TMEM45A: variants seen among roughly 807,000 people sequenced by gnomAD.
The protein encoded by TMEM45A is DNA polymerase-transactivated protein 4.
Under a neutral mutation model 32.0 loss-of-function variants are expected in TMEM45A, and 25 were observed. That is an observed-to-expected ratio of 0.78 (90% CI 0.57 to 1.09). The LOEUF is 1.09. Ranked by LOEUF, TMEM45A falls within the 50% of genes least tolerant of loss-of-function variation. TMEM45A has a pLI of 0.00. For missense variants in TMEM45A, 302 were observed against 325.0 expected, an observed-to-expected ratio of 0.93 and a Z score of 0.54; for synonymous variants, 122 against 114.8, an observed-to-expected ratio of 1.06 and a Z score of -0.40.
Position 100,577,129 on chromosome 3 carries a change from T to C in TMEM45A, c.*111T>C. On this transcript the variant is annotated 3_prime_UTR_variant, in exon 6 of 6. Transcript: ENST00000323523. ...ACAGCTGGCTAAGGATGACTCTAAG[T>C]GTACTGTTTGCATTTCCAATTTGGT... 1.3e-6 allele frequency: 1 copy of C among 769,508 alleles called. No individual in the cohort carries two copies. The highest frequency in any genetic ancestry group is 2.0e-6 in the Non-Finnish European group (1 of 488,198). The allele number at this position is 769,508 out of a possible 1,614,324, so 47.7% of individuals were successfully genotyped here.
chr3:100,505,339 C>T (rs574180563), intron 1 of TMEM45A, among the ~76,000 whole-genome samples: 3 of 152,338 alleles, frequency 2.0e-5, no homozygotes, highest in African/African-American at 4.8e-5. Flanking sequence ...TCCCACTGTT[C>T]TCCCTAACAT....
intron 1 of TMEM45A, among the ~76,000 whole-genome samples, chr3:100,514,263 G>A (rs551175263): frequency 3.7e-4 from 56 of 152,232 alleles, no homozygotes; most frequent in Admixed American, 2.0e-3. Context: ...GCATGGTACC[G>A]GTACCAAAAC....
rs1284861021 is a variant in TMEM45A, at chr3:100,514,766, T to C, written c.-4+21838T>C. On this transcript the variant is annotated intron_variant, in intron 1 of 5. Coordinates refer to ENST00000323523, the MANE Select transcript of TMEM45A (RefSeq NM_018004.3). ...AATATCCAGAATCTACAATGAACTC[T>C]AACAAATTTACAAGAAAAAAACAAA... 9.9e-3 allele frequency among the ~76,000 whole-genome samples: 1,504 copies of C among 151,926 alleles called. 22 individuals are homozygous for C. The highest frequency in any genetic ancestry group is 0.035 in the African/African-American group (1,449 of 41,388).
At chr3:100,558,711 G>A (rs1223612815) in intron 4 of TMEM45A, 122 bp downstream of exon 4, 2 of 1,008,762 alleles carry the variant, frequency 2.0e-6, no homozygotes, top group Non-Finnish European at 1.5e-6. Context: ...AAGATCATGG[G>A]CCTCTGAGAA....
chr3:100,569,615 G>C (rs543281657), intron 5 of TMEM45A, among the ~76,000 whole-genome samples: 2 of 152,254 alleles, frequency 1.3e-5, no homozygotes, highest in South Asian at 4.1e-4. Context: ...GTAAAATGGG[G>C]AAATAATAAG....
Position 100,528,280 on chromosome 3 carries a change from G to T in TMEM45A, c.-3-26929G>T, listed in dbSNP as rs553489901. Among the ~76,000 whole-genome samples the T allele has an allele frequency of 3.3e-5, 5 of 152,262 alleles. No individual in the cohort carries two copies. In the South Asian group the frequency reaches 1.0e-3, roughly 32 times the overall value. ...CCTTTCGCATCTCTAAGTCTGTAAG[G>T]CTCTATATTTGGTTTTCCCAGGGAT... On this transcript the variant is annotated intron_variant, in intron 1 of 5. Transcript: ENST00000323523.
intron 1 of TMEM45A, among the ~76,000 whole-genome samples, chr3:100,547,582 G>A (rs2148972933): frequency 6.6e-6 from 1 of 152,250 alleles, no homozygotes; most frequent in Non-Finnish European, 1.5e-5. Context: ...AGGAGGAGGA[G>A]GAGGAGGAGG....
chr3:100,546,329 G>A (rs924320768), intron 1 of TMEM45A, among the ~76,000 whole-genome samples: 1 of 152,196 alleles, frequency 6.6e-6, no homozygotes, highest in African/African-American at 2.4e-5. Flanking sequence ...TTGTTTCAAT[G>A]TACTAATTTT....
intron 1 of TMEM45A, among the ~76,000 whole-genome samples, chr3:100,493,624 A>G (rs1168906590): frequency 1.3e-5 from 2 of 151,842 alleles, no homozygotes; most frequent in Non-Finnish European, 2.9e-5. Context: ...ATAGTATGGT[A>G]TATATACTAT....
At chr3:100,530,169 A>G (rs1705619164) in intron 1 of TMEM45A, among the ~76,000 whole-genome samples, 1 of 152,176 alleles carries the variant, frequency 6.6e-6, no homozygotes, top group Non-Finnish European at 1.5e-5. Context: ...CCTGTCCCCC[A>G]GATAATATTT....
intron 1 of TMEM45A, among the ~76,000 whole-genome samples, chr3:100,532,242 G>A (rs901037533): frequency 4.9e-4 from 74 of 152,310 alleles, no homozygotes; most frequent in African/African-American, 1.8e-3. Flanking sequence ...GGTGCCTCCT[G>A]CTCTCCCCGA....
intron 1 of TMEM45A, among the ~76,000 whole-genome samples, chr3:100,546,269 G>C (rs1705978488): frequency 1.3e-5 from 2 of 152,230 alleles, no homozygotes; most frequent in South Asian, 4.1e-4. Flanking sequence ...AGCCCAGTGA[G>C]ATCTGTGTTG....
intron 1 of TMEM45A, among the ~76,000 whole-genome samples, chr3:100,542,130 A>C (rs1389249462): frequency 6.6e-6 from 1 of 152,118 alleles, no homozygotes; most frequent in African/African-American, 2.4e-5. Context: ...TGCTTTGGCT[A>C]TTTGGGTTCT....
chr3:100,556,479 T>C (rs1389635456), intron 2 of TMEM45A, among the ~76,000 whole-genome samples: 3 of 152,236 alleles, frequency 2.0e-5, no homozygotes, highest in African/African-American at 7.2e-5. Flanking sequence ...AGTCATTAGA[T>C]TGGAATAGGC....
chr3:100,561,277 G>A (rs149267464), intron 4 of TMEM45A, among the ~76,000 whole-genome samples: 81 of 152,140 alleles, frequency 5.3e-4, no homozygotes, highest in Admixed American at 2.0e-3. Context: ...ATATTATGTC[G>A]TGACTTGCTT....
chr3:100,535,758 C>A (rs1302670090), intron 1 of TMEM45A, among the ~76,000 whole-genome samples: 1 of 152,156 alleles, frequency 6.6e-6, no homozygotes, highest in Non-Finnish European at 1.5e-5. Context: ...ACTTGAGTGA[C>A]TTTTGTGTGA....
At chr3:100,505,201 T>G (rs1708062541) in intron 1 of TMEM45A, among the ~76,000 whole-genome samples, 1 of 152,174 alleles carries the variant, frequency 6.6e-6, no homozygotes, top group South Asian at 2.1e-4. Flanking sequence ...GAGCCTCTTG[T>G]GTGGAGGCAC....
At chr3:100,535,929 C>T (rs1705732236) in intron 1 of TMEM45A, among the ~76,000 whole-genome samples, 1 of 151,964 alleles carries the variant, frequency 6.6e-6, no homozygotes, top group Admixed American at 6.6e-5. Flanking sequence ...ATTCTTTTTT[C>T]CTAAGAGAAA....
At position 100,564,775 on chromosome 3, in the gene TMEM45A, C is replaced by T. The variant is rs563169920; in HGVS notation, c.589-4047C>T. Reference sequence around the variant, plus strand: ...CTGGGATTACAGGCGTGAGCCACCACACCTGGCCGCAAATTATTGTTTTAA... The same window carrying T: ...CTGGGATTACAGGCGTGAGCCACCATACCTGGCCGCAAATTATTGTTTTAA... On this transcript the variant is annotated intron_variant, in intron 4 of 5. Transcript: ENST00000323523. Among the ~76,000 whole-genome samples, 35 of 152,204 alleles carry T rather than the reference C, an allele frequency of 2.3e-4. 1 individual carries two copies. Among genetic ancestry groups the T allele is most frequent in the Middle Eastern group, 6.3e-3 (2 of 316 alleles).
Sources: allele counts gnomAD v4.1 joint callset (sites outside exome capture counted in the v4.1 genomes callset), GRCh38; gene constraint gnomAD v4.1.1; transcripts MANE v1.5; gene names NCBI Gene and HGNC (gene_info 2026-07-23, HGNC 2026-07-21).